Variants in LIN37 observed in about 807,000 individuals in gnomAD.
LIN37 encodes lin-37 DREAM MuvB core complex component, also known as protein lin-37 homolog.
A neutral mutation model predicts 38.0 loss-of-function variants in LIN37; 21 were observed. The observed-to-expected ratio is 0.55, with a 90% CI of 0.39 to 0.80. The LOEUF (loss-of-function observed/expected upper bound fraction) is 0.80, where lower values mean the gene tolerates loss of function less well. Among genes scored for constraint, LIN37 ranks in the 30% least tolerant of loss-of-function variants. The probability of loss-of-function intolerance (pLI) is 0.00; values close to 1 mark genes in which losing one functional copy is unlikely to be tolerated. For missense variants in LIN37, 273 were observed against 338.5 expected (o/e 0.81, Z 1.52); for synonymous variants, 126 against 122.9 (o/e 1.03, Z -0.17).
At chr19:35,749,740 G>A (rs1182808775) in intron 1 of LIN37, among the ~76,000 whole-genome samples, 1 of 151,476 alleles carries the variant, frequency 6.6e-6, no homozygotes, top group Non-Finnish European at 1.5e-5. Context: ...GGGAGGCGGA[G>A]GTTGCAGTGA....
At chr19:35,752,620 C>T in intron 3 of LIN37, 136 bp downstream of exon 3, 2 of 1,245,676 alleles carry the variant, frequency 1.6e-6, no homozygotes, top group Non-Finnish European at 2.3e-6. Context: ...GACCCTGTGG[C>T]AGGAGAAGCT....
At chr19:35,749,117 T>C (rs950626653) in intron 1 of LIN37, 1 of 523,058 alleles carries the variant, frequency 1.9e-6, no homozygotes, top group Non-Finnish European at 2.6e-6. Flanking sequence ...GGTCTCGAAC[T>C]CCTGGTCTCA....
chr19:35,753,052 G>A (rs1315930538), intron 5 of LIN37, 35 bp from the exon 6 acceptor site: 5 of 1,593,578 alleles, frequency 3.1e-6, no homozygotes, highest in Middle Eastern at 1.7e-4. Flanking sequence ...GCCTATGCAA[G>A]GATGCTCACA....
At chr19:35,748,981 G>C (rs1489389098) in intron 1 of LIN37, 22 of 1,411,184 alleles carry the variant, frequency 1.6e-5, no homozygotes, top group Non-Finnish European at 1.9e-5. Context: ...GCAATGACGT[G>C]CGTGGTAGGA....
At chr19:35,754,187 G>A in intron 7 of LIN37, 30 bp downstream of exon 7, 1 of 1,613,984 alleles carries the variant, frequency 6.2e-7, no homozygotes. Flanking sequence ...CCAGGGTTAT[G>A]GGGCACATGC....
At position 35,752,936 on chromosome 19, in the gene LIN37, C is replaced by A. The variant is rs1309307099; in HGVS notation, c.214C>A (p.Gln72Lys). 1 of 1,573,930 alleles carries A rather than the reference C, an allele frequency of 6.4e-7. No individual in the cohort carries two copies. The highest frequency in any genetic ancestry group is 2.4e-5 in the East Asian group (1 of 42,516). Reference sequence around the variant, plus strand: ...CAGGCCATCTGCCCGCTTCCCCCACCAGCGGAGGAAGAAGAGGAGGGAGAT... The same window carrying A: ...CAGGCCATCTGCCCGCTTCCCCCACAAGCGGAGGAAGAAGAGGAGGGAGAT... The part of the protein sequence containing the change: ...GKRPSARFPH[Q>K]RRKKRREMDD... Residue 72 changes from glutamine (Q) to lysine (K), a missense_variant, in exon 5 of 9, where the codon CAG becomes AAG. Coordinates refer to ENST00000301159, the MANE Select transcript of LIN37 (RefSeq NM_019104.3).
At chr19:35,750,637 A>T (rs1057197147) in intron 1 of LIN37, among the ~76,000 whole-genome samples, 2 of 152,174 alleles carry the variant, frequency 1.3e-5, no homozygotes, top group Non-Finnish European at 2.9e-5. Context: ...CGAGGGGGAA[A>T]AAAAAGCCCA....
rs1379045520 is a variant in LIN37, at chr19:35,753,075, C to T, written c.278-12C>T. ...AAGGATGCTCACACACCTCCCATCC[C>T]CACCTTCCCAGACACATATGTGATC... On this transcript the variant is annotated splice_polypyrimidine_tract_variant and intron_variant, in intron 5 of 8. Coordinates refer to ENST00000301159, the MANE Select transcript of LIN37 (RefSeq NM_019104.3). 1 of 1,601,980 alleles carries T rather than the reference C, an allele frequency of 6.2e-7. No homozygotes were observed. The highest frequency in any genetic ancestry group is 1.7e-5 in the Admixed American group (1 of 58,744).
Position 35,750,659 on chromosome 19 carries a change from T to G in LIN37, c.35-1517T>G, listed in dbSNP as rs1446514046. On this transcript the variant is annotated intron_variant, in intron 1 of 8. Transcript: ENST00000301159. ...GAAAAAAAAGCCCAAACAGGATGTTTTAGGTGAAATCTCCCAATTTTGGCT... is the reference window on the plus strand; with the variant it reads ...GAAAAAAAAGCCCAAACAGGATGTTGTAGGTGAAATCTCCCAATTTTGGCT... Among the ~76,000 whole-genome samples the G allele has an allele frequency of 4.6e-5, 7 of 151,486 alleles. No individual in the cohort carries two copies. The Admixed American group carries it at 4.6e-4, about 10-fold the overall frequency.
In LIN37 at chr19:35,754,322, G is replaced by A. The variant is rs540934468; in HGVS notation, c.659+3G>A. On this transcript the variant is annotated splice_donor_region_variant and intron_variant, in intron 8 of 8. Coordinates refer to ENST00000301159, the MANE Select transcript of LIN37 (RefSeq NM_019104.3). Reference sequence around the variant, plus strand: ...CGCTGGAAACGCATCCGCCAGAGGTGAGCGTCCCCCAGCCTGCTTGCCCCT... The same window carrying A: ...CGCTGGAAACGCATCCGCCAGAGGTAAGCGTCCCCCAGCCTGCTTGCCCCT... 5.0e-6 allele frequency: 8 copies of A among 1,613,886 alleles called. No individual in the cohort carries two copies. The highest frequency in any genetic ancestry group is 6.8e-6 in the Non-Finnish European group (8 of 1,179,898).
Position 35,751,158 on chromosome 19 carries a change from T to C in LIN37, c.35-1018T>C, listed in dbSNP as rs371752588. The stretch of plus-strand genomic sequence containing the variant: ...CAACGTGGTAAGACCCCATCTCTAC[T>C]AAAAATACAAAAATTAGCCAGGCGT... On this transcript the variant is annotated intron_variant, in intron 1 of 8. Transcript: ENST00000301159. Among the ~76,000 whole-genome samples the C allele has an allele frequency of 3.3e-5, 5 of 149,812 alleles. No homozygotes were observed. In the South Asian group the frequency reaches 1.1e-3, roughly 32 times the overall value.
Position 35,753,251 on chromosome 19 carries a change from G to C in LIN37, c.442G>C (p.Glu148Gln). Reference sequence around the variant, plus strand: ...CCTGCCCCCGCTGCCTGAGGATGAGGAGGTGGGATGGGTAGTGGGTCCCAG... The same window carrying C: ...CCTGCCCCCGCTGCCTGAGGATGAGCAGGTGGGATGGGTAGTGGGTCCCAG... ...SPLPPLPEDE[E>Q]GSEVTNSKSR... Residue 148 changes from glutamate to glutamine, a missense_variant and splice_region_variant, in exon 6 of 9, where the codon GAG becomes CAG. Physicochemically the swap from Glu to Gln is conservative, Grantham distance 29 (BLOSUM62 2). Transcript: ENST00000301159. 3 of 1,547,590 alleles carry C rather than the reference G, an allele frequency of 1.9e-6. No individual in the cohort carries two copies. Among genetic ancestry groups the C allele is most frequent in the Non-Finnish European group, 2.6e-6 (3 of 1,147,488 alleles).
At chr19:35,752,722 GT>G (rs1970695197) in intron 3 of LIN37, 81 bp from the exon 4 acceptor site, 1 of 1,540,350 alleles carries the variant, frequency 6.5e-7, no homozygotes, top group African/African-American at 1.4e-5. Context: ...AGCATCTCAG[GT>G]TTGATACCAG....
At chr19:35,749,696 T>A (rs1376780307) in intron 1 of LIN37, among the ~76,000 whole-genome samples, 1 of 148,424 alleles carries the variant, frequency 6.7e-6, no homozygotes, top group Non-Finnish European at 1.5e-5. Context: ...TCCCAGCTAC[T>A]CAGGAGGCTG....
rs1287452582 is a variant in LIN37 at position 35,753,100 on chromosome 19, C to A, written c.291C>A (p.Ile97=). ...GGPQRSNTYV[I]KLFDRSVDLA... ...CCACCTTCCCAGACACATATGTGAT[C>A]AAGCTGTTCGACCGGAGCGTGGACT... The change falls in exon 6 of 9, where the codon ATC becomes ATA. Residue 97 remains isoleucine, a synonymous_variant. Coordinates refer to ENST00000301159, the MANE Select transcript of LIN37 (RefSeq NM_019104.3). 5 of 1,606,610 alleles carry A rather than the reference C, an allele frequency of 3.1e-6. No homozygotes were observed. The African/African-American group carries it at 6.7e-5, about 21-fold the overall frequency.
chr19:35,753,289 G>T, intron 6 of LIN37, 36 bp downstream of exon 6: 1 of 1,540,344 alleles, frequency 6.5e-7, no homozygotes, highest in Non-Finnish European at 8.7e-7. Context: ...CAGCAGCCTG[G>T]TGCCAGGGCA....
intron 1 of LIN37, chr19:35,751,841 G>A (rs1418913211): frequency 5.9e-6 from 1 of 170,216 alleles, no homozygotes; most frequent in Non-Finnish European, 1.3e-5. Context: ...TTCAAGACCA[G>A]CTTGGTCAAT....
At position 35,754,154 on chromosome 19, in the gene LIN37, T is replaced by C; in HGVS notation, c.582T>C (p.Asp194=). 1 of 1,613,930 alleles carries C rather than the reference T, an allele frequency of 6.2e-7. No homozygotes were observed. Among genetic ancestry groups the C allele is most frequent in the Non-Finnish European group, 8.5e-7 (1 of 1,179,868 alleles). ...CTGAGATGCAGGGCACCCCTGACGA[T>C]GAGGTGAGTATGCCAGGCTGGCCCA... The part of the protein sequence containing the change: ...LQPEMQGTPD[D]EPSEPEPSPS... The change falls in exon 7 of 9, where the codon GAT becomes GAC. Residue 194 remains aspartate (D), a synonymous_variant. Coordinates refer to ENST00000301159, the MANE Select transcript of LIN37 (RefSeq NM_019104.3).
chr19:35,748,628 C>G lies in LIN37; in HGVS notation c.-97C>G. Reference sequence around the variant, plus strand: ...CGGAGGACCCGTGGCCCACGAAGCTCATCTTTGAACTGTCCCCGCCTTCTC... The same window carrying G: ...CGGAGGACCCGTGGCCCACGAAGCTGATCTTTGAACTGTCCCCGCCTTCTC... On this transcript the variant is annotated 5_prime_UTR_variant, in exon 1 of 9. Coordinates refer to ENST00000301159, the MANE Select transcript of LIN37 (RefSeq NM_019104.3). The G allele has an allele frequency of 6.5e-7, 1 of 1,550,338 alleles. No homozygotes were observed. The highest frequency in any genetic ancestry group is 1.7e-5 in the Admixed American group (1 of 59,842).
Sources: allele counts gnomAD v4.1 joint callset (sites outside exome capture counted in the v4.1 genomes callset), GRCh38; gene constraint gnomAD v4.1.1; transcripts MANE v1.5; gene names NCBI Gene and HGNC (gene_info 2026-07-23, HGNC 2026-07-21).